ZMYM1: variants seen among roughly 807,000 people sequenced by gnomAD.
ZMYM1 encodes the protein zinc finger MYM-type containing 1.
ZMYM1 carries 39 observed loss-of-function variants against 60.0 expected under a neutral mutation model. That is an observed-to-expected ratio of 0.65 (90% confidence interval 0.50 to 0.85). The LOEUF is 0.85. Ranked by LOEUF, ZMYM1 falls within the 40% of genes least tolerant of loss-of-function variation. ZMYM1 has a pLI of 0.00. For synonymous variants in ZMYM1, 413 were observed against 454.0 expected (o/e 0.91, Z 1.15); for missense variants, 1,171 against 1,309.5 (o/e 0.89, Z 1.63).
chr1:35,096,572 TG>T (rs1643338819), intron 3 of ZMYM1, among the ~76,000 whole-genome samples: 1 of 151,162 alleles, frequency 6.6e-6, no homozygotes, highest in Non-Finnish European at 1.5e-5. Flanking sequence ...CCGCTCTTGT[TG>T]CCCAGGCTGG....
chr1:35,070,841 T>C (rs1642055320), intron 1 of ZMYM1, among the ~76,000 whole-genome samples: 2 of 151,964 alleles, frequency 1.3e-5, no homozygotes, highest in South Asian at 4.1e-4. Context: ...CGATGTTGAA[T>C]TTTGTCAAAT....
At chr1:35,117,381 G>A (rs1046428495), downstream of ZMYM1, among the ~76,000 whole-genome samples, 10 of 151,850 alleles carry the variant, frequency 6.6e-5, no homozygotes, top group African/African-American at 9.7e-5. Flanking sequence ...GTACGGTGGC[G>A]TGATATTGGC....
chr1:35,072,057 C>A (rs1168074807), intron 1 of ZMYM1, among the ~76,000 whole-genome samples: 1 of 152,092 alleles, frequency 6.6e-6, no homozygotes, highest in Non-Finnish European at 1.5e-5. Flanking sequence ...TTCCTTGAAC[C>A]CAGGAGGTGG....
rs190358882 is a variant in ZMYM1 at position 35,115,238 on chromosome 1, C to G, written c.3408C>G (p.Ile1136Met). 6.2e-5 allele frequency: 99 copies of G among 1,592,424 alleles called. No homozygotes were observed. The Admixed American group carries it at 1.4e-3, about 22-fold the overall frequency. Residue 1136 changes from isoleucine (I) to methionine (M), a missense_variant, in exon 10 of 10, where the codon ATC becomes ATG. Physicochemically the swap from Ile to Met is conservative, Grantham distance 10. Transcript: ENST00000359858. ...TCAATGAAATTGTGGAAAAGTTTAT[C>G]AGTCAGATGAAAGAAATATAATACA... is the stretch of plus-strand genomic sequence containing the variant. ...ERLNEIVEKF[I>M]SQMKEI
In ZMYM1 at chr1:35,113,090, T is replaced by C. The variant is rs2148573278; in HGVS notation, c.1260T>C (p.Ser420=). 2 of 1,614,052 alleles carry C rather than the reference T, an allele frequency of 1.2e-6. No homozygotes were observed. Among genetic ancestry groups the C allele is most frequent in the East Asian group, 2.2e-5 (1 of 44,858 alleles). Residue 420 remains serine, a synonymous_variant, in exon 10 of 10, where the codon AGT becomes AGC. Coordinates refer to ENST00000359858, the MANE Select transcript of ZMYM1 (RefSeq NM_024772.5). ...SVFSQHAIGS[S]TEVQKDNMKS... The stretch of plus-strand genomic sequence containing the variant: ...TCAGTCAGCATGCAATTGGTTCCAG[T>C]ACAGAAGTACAAAAAGACAATATGA...
intron 2 of ZMYM1, 48 bp downstream of exon 2, chr1:35,094,131 A>AGTTTG (rs779869312): frequency 2.0e-6 from 3 of 1,525,088 alleles, no homozygotes; most frequent in Non-Finnish European, 2.7e-6. Flanking sequence ...GCATTTAACT[A>AGTTTG]TAAATTTTAG....
intron 6 of ZMYM1, among the ~76,000 whole-genome samples, chr1:35,108,212 T>C (rs1415942112): frequency 6.6e-6 from 1 of 152,244 alleles, no homozygotes; most frequent in African/African-American, 2.4e-5. Context: ...AAGTTGTTCA[T>C]ACTAATAAAG....
rs749628409 is a variant in ZMYM1, at chr1:35,115,219, A to G, written c.3389A>G (p.Glu1130Gly). The G allele has an allele frequency of 2.5e-6, 4 of 1,599,450 alleles. No homozygotes were observed. The African/African-American group carries it at 4.1e-5, about 16-fold the overall frequency. The change falls in exon 10 of 10, where the codon GAA (glutamate) becomes GGA (glycine). Residue 1130 changes from glutamate (E) to glycine (G), a missense_variant. Glu to Gly is a moderately conservative substitution (Grantham distance 98). Transcript: ENST00000359858. ...CTAATGGAGCCTGAAAGACTCAATGAAATTGTGGAAAAGTTTATCAGTCAG... is the reference window on the plus strand; with the variant it reads ...CTAATGGAGCCTGAAAGACTCAATGGAATTGTGGAAAAGTTTATCAGTCAG... ...NKLMEPERLN[E>G]IVEKFISQMK...
rs191009515 is a variant in ZMYM1 at position 35,094,846 on chromosome 1, C to G, written c.96+763C>G. 1.9e-3 allele frequency among the ~76,000 whole-genome samples: 288 copies of G among 151,988 alleles called. 1 individual carries two copies. The highest frequency in any genetic ancestry group is 2.3e-3 in the Non-Finnish European group (159 of 67,988). ...CCTGGGTAACGAAGCGAGACCCTGT[C>G]TCTTAAAACAAAAAAAAGGAATGTT... On this transcript the variant is annotated intron_variant, in intron 2 of 9. Coordinates refer to ENST00000359858, the MANE Select transcript of ZMYM1 (RefSeq NM_024772.5).
intron 2 of ZMYM1, 142 bp from the exon 3 acceptor site, chr1:35,095,677 A>G (rs1168089548): frequency 5.0e-6 from 3 of 600,108 alleles, no homozygotes; most frequent in Non-Finnish European, 8.7e-6. Context: ...AGGGTAGTGC[A>G]TACCTGTGTA....
At chr1:35,069,451 TGTTGA>T (rs750099919) in intron 1 of ZMYM1, among the ~76,000 whole-genome samples, 16 of 152,312 alleles carry the variant, frequency 1.1e-4, no homozygotes, top group East Asian at 7.7e-4. Context: ...GTTTTTTTGT[TGTTGA>T]GTTAACTTCC....
chr1:35,076,847 G>A (rs1223888036), upstream of ZMYM1, among the ~76,000 whole-genome samples: 1 of 149,338 alleles, frequency 6.7e-6, no homozygotes, highest in Non-Finnish European at 1.5e-5. Context: ...CAGGAGAATC[G>A]CTTGAACCCA....
upstream of ZMYM1, among the ~76,000 whole-genome samples, chr1:35,078,537 ATTTTTTTTTTTTTTTTT>A (rs751468260): frequency 4.9e-5 from 4 of 82,234 alleles, no homozygotes; most frequent in African/African-American, 1.5e-4. Context: ...GGTTATTTTA[ATTTTTTTTTTTTTTTTT>A]TTTTTTTTTT....
At chr1:35,116,811 G>C (rs1002411498), downstream of ZMYM1, among the ~76,000 whole-genome samples, 2 of 147,504 alleles carry the variant, frequency 1.4e-5, no homozygotes, top group Non-Finnish European at 3.0e-5. Context: ...AAAGAATTAA[G>C]TGGTATATAT....
intron 1 of ZMYM1, among the ~76,000 whole-genome samples, chr1:35,080,314 C>CTTTTTTT (rs35214559): frequency 9.6e-5 from 12 of 125,510 alleles, no homozygotes; most frequent in African/African-American, 3.8e-4. Flanking sequence ...ATTTGTGCTT[C>CTTTTTTT]TTTTTTTTTT....
chr1:35,075,327 T>G (rs1642148400), upstream of ZMYM1, among the ~76,000 whole-genome samples: 1 of 152,058 alleles, frequency 6.6e-6, no homozygotes, highest in African/African-American at 2.4e-5. Flanking sequence ...GTCTTGCTTT[T>G]TTGTTGTTTT....
chr1:35,074,289 G>C (rs1642127059), intron 1 of ZMYM1, among the ~76,000 whole-genome samples: 1 of 152,110 alleles, frequency 6.6e-6, no homozygotes, highest in Non-Finnish European at 1.5e-5. Context: ...CTAATATATG[G>C]TCTATCCTGG....
intron 1 of ZMYM1, among the ~76,000 whole-genome samples, chr1:35,067,334 C>T (rs2148476479): frequency 6.6e-6 from 1 of 152,108 alleles, no homozygotes; most frequent in East Asian, 1.9e-4. Flanking sequence ...GTTGCCCAGG[C>T]TGGAATGCAG....
upstream of ZMYM1, among the ~76,000 whole-genome samples, chr1:35,077,011 T>G (rs1642179878): frequency 1.3e-5 from 2 of 151,948 alleles, no homozygotes; most frequent in South Asian, 4.1e-4. Flanking sequence ...CTCCTATTCC[T>G]TAGGACTTAA....
Sources: gnomAD v4.1 joint callset for allele counts (sites outside exome capture counted in the v4.1 genomes callset) on GRCh38, gnomAD v4.1.1 for gene constraint, MANE v1.5 for transcripts, NCBI Gene and HGNC (gene_info 2026-07-23, HGNC 2026-07-21) for gene names.